SH3GL2: variants seen among roughly 807,000 people sequenced by gnomAD.
The protein encoded by SH3GL2 is endophilin-A1.
In SH3GL2, 24 loss-of-function variants were observed where a neutral mutation model predicts 46.0. That is an observed-to-expected ratio of 0.52 (90% CI 0.38 to 0.73). SH3GL2 has a LOEUF of 0.73. Among genes scored for constraint, SH3GL2 ranks in the 30% least tolerant of loss-of-function variants. The probability of loss-of-function intolerance (pLI) is 0.00; values close to 1 mark genes in which losing one functional copy is unlikely to be tolerated. For synonymous variants in SH3GL2, 196 were observed against 147.1 expected, an observed-to-expected ratio of 1.33 and a Z score of -2.40; for missense variants, 413 against 424.2, an observed-to-expected ratio of 0.97 and a Z score of 0.23.
intron 3 of SH3GL2, among the ~76,000 whole-genome samples, chr9:17,778,608 AC>A (rs2131175319): frequency 6.6e-6 from 1 of 152,238 alleles, no homozygotes; most frequent in Non-Finnish European, 1.5e-5. Context: ...GATCTAAATT[AC>A]ACTAAATAGG....
At chr9:17,789,036 G>T (rs1418047700) in intron 5 of SH3GL2, among the ~76,000 whole-genome samples, 1 of 152,238 alleles carries the variant, frequency 6.6e-6, no homozygotes, top group East Asian at 1.9e-4. Context: ...TGTGGGGCCT[G>T]TGAGTGTGTC....
chr9:17,638,175 C>CA (rs1819589527), intron 1 of SH3GL2, among the ~76,000 whole-genome samples: 1 of 150,792 alleles, frequency 6.6e-6, no homozygotes. Flanking sequence ...AACAAAAAAA[C>CA]AAAAAAACCA....
chr9:17,704,103 C>T (rs903514660), intron 1 of SH3GL2, among the ~76,000 whole-genome samples: 5 of 150,762 alleles, frequency 3.3e-5, no homozygotes, highest in Admixed American at 6.6e-5. Context: ...TTTCAGGATA[C>T]AAAATTAATG....
At chr9:17,688,457 A>G (rs1454535573) in intron 1 of SH3GL2, among the ~76,000 whole-genome samples, 2 of 152,034 alleles carry the variant, frequency 1.3e-5, no homozygotes, top group African/African-American at 4.8e-5. Flanking sequence ...GAGAAGACAA[A>G]CGAAAATAAG....
intron 2 of SH3GL2, among the ~76,000 whole-genome samples, chr9:17,752,253 C>T (rs560412753): frequency 3.3e-5 from 5 of 152,116 alleles, no homozygotes; most frequent in South Asian, 2.1e-4. Flanking sequence ...TCCCAGGACA[C>T]GGTTTTCATC....
chr9:17,685,444 G>A (rs931634285), intron 1 of SH3GL2, among the ~76,000 whole-genome samples: 1 of 152,096 alleles, frequency 6.6e-6, no homozygotes, highest in South Asian at 2.1e-4. Flanking sequence ...CTTCACAACA[G>A]TACCTAGATT....
chr9:17,773,836 G>A (rs1369325132), intron 3 of SH3GL2, among the ~76,000 whole-genome samples: 1 of 152,078 alleles, frequency 6.6e-6, no homozygotes, highest in African/African-American at 2.4e-5. Context: ...TACAAAAAAT[G>A]TTACTGAGAC....
intron 1 of SH3GL2, among the ~76,000 whole-genome samples, chr9:17,692,030 G>A (rs531778237): frequency 6.6e-6 from 1 of 152,068 alleles, no homozygotes; most frequent in Non-Finnish European, 1.5e-5. Flanking sequence ...TTTCATATGT[G>A]TGGCATGACC....
At chr9:17,639,680 G>T (rs567534251) in intron 1 of SH3GL2, among the ~76,000 whole-genome samples, 2 of 152,282 alleles carry the variant, frequency 1.3e-5, no homozygotes, top group South Asian at 4.1e-4. Context: ...AGGAGAACAT[G>T]TTCATACAGA....
At chr9:17,662,189 T>C (rs1820235926) in intron 1 of SH3GL2, among the ~76,000 whole-genome samples, 1 of 152,242 alleles carries the variant, frequency 6.6e-6, no homozygotes, top group African/African-American at 2.4e-5. Context: ...CTTCTGTATC[T>C]TTGCTAATTT....
At position 17,796,070 on chromosome 9, in the gene SH3GL2, A is replaced by C; in HGVS notation, c.*327A>C. On this transcript the variant is annotated 3_prime_UTR_variant, in exon 9 of 9. Transcript: ENST00000380607. ...AGCCATTTCACAGAAAAACCATCCC[A>C]CCGAAGATATTGTCTATCACCCCAG... 1 of 264,886 alleles carries C rather than the reference A, an allele frequency of 3.8e-6. No homozygotes were observed. Among genetic ancestry groups the C allele is most frequent in the Non-Finnish European group, 7.2e-6 (1 of 138,196 alleles). 16.4% of individuals were successfully genotyped at this position (264,886 alleles called of 1,614,324 possible). A position where few individuals can be genotyped will look rare whatever the true frequency, so the allele number is the denominator to read the frequency against.
chr9:17,615,289 T>G (rs949580794), intron 1 of SH3GL2, among the ~76,000 whole-genome samples: 5 of 152,232 alleles, frequency 3.3e-5, no homozygotes, highest in Admixed American at 1.3e-4. Context: ...ATAGCCTACC[T>G]GTATTTCCTA....
intron 1 of SH3GL2, among the ~76,000 whole-genome samples, chr9:17,652,978 T>C (rs1425273580): frequency 6.6e-6 from 1 of 152,170 alleles, no homozygotes; most frequent in Non-Finnish European, 1.5e-5. Context: ...TTGGCTGCAA[T>C]TCTATTCTGT....
At chr9:17,624,358 C>T (rs571041172) in intron 1 of SH3GL2, among the ~76,000 whole-genome samples, 1 of 152,168 alleles carries the variant, frequency 6.6e-6, no homozygotes, top group South Asian at 2.1e-4. Flanking sequence ...TATAGATATC[C>T]TCCTTCTCCT....
intron 3 of SH3GL2, among the ~76,000 whole-genome samples, chr9:17,776,265 T>G (rs138099161): frequency 1.6e-3 from 236 of 152,232 alleles, no homozygotes; most frequent in African/African-American, 5.5e-3. Context: ...TTTTGAATTG[T>G]AGTAAATGAA....
chr9:17,627,477 C>T (rs1019498981), intron 1 of SH3GL2, among the ~76,000 whole-genome samples: 20 of 152,122 alleles, frequency 1.3e-4, no homozygotes, highest in African/African-American at 4.1e-4. Flanking sequence ...AAGTAACAGA[C>T]GTCAAGTGTT....
At chr9:17,627,411 C>T (rs1007423988) in intron 1 of SH3GL2, among the ~76,000 whole-genome samples, 2 of 152,090 alleles carry the variant, frequency 1.3e-5, no homozygotes, top group African/African-American at 2.4e-5. Context: ...CTGGCCCACC[C>T]GAGAGCTCTT....
chr9:17,673,443 G>A (rs1319831802), intron 1 of SH3GL2, among the ~76,000 whole-genome samples: 6 of 151,834 alleles, frequency 4.0e-5, no homozygotes, highest in Non-Finnish European at 8.8e-5. Context: ...ACCACGCCTG[G>A]CCTTCACTTT....
chr9:17,704,553 C>G (rs1269609576), intron 1 of SH3GL2, among the ~76,000 whole-genome samples: 2 of 152,020 alleles, frequency 1.3e-5, no homozygotes, highest in East Asian at 3.9e-4. Context: ...CTATGGTAAC[C>G]AAAACAGTAT....
Sources: gnomAD v4.1 joint callset for allele counts (sites outside exome capture counted in the v4.1 genomes callset) on GRCh38, gnomAD v4.1.1 for gene constraint, MANE v1.5 for transcripts, NCBI Gene and HGNC (gene_info 2026-07-23, HGNC 2026-07-21) for gene names.